The following SPATA6L variants were observed in gnomAD, a reference collection of about 807,000 sequenced individuals.
The protein encoded by SPATA6L is spermatogenesis associated 6-like protein.
SPATA6L carries 68 observed loss-of-function variants against 49.2 expected under a neutral mutation model. The ratio of observed to expected loss-of-function variants is 1.38; its 90% confidence interval spans 1.14 to 1.69. The LOEUF (loss-of-function observed/expected upper bound fraction) is 1.69. Among genes scored for constraint, SPATA6L ranks in the 40% most tolerant of loss-of-function variants. SPATA6L has a pLI of 0.00. For synonymous variants in SPATA6L, 198 were observed against 165.7 expected (o/e 1.19, Z -1.50); for missense variants, 668 against 464.3 (o/e 1.44, Z -4.03).
chr9:4,626,578 G>A (rs1166784725), intron 5 of SPATA6L: 4 of 1,295,990 alleles, frequency 3.1e-6, no homozygotes, highest in Non-Finnish European at 4.1e-6. Context: ...GCTGCTTCCT[G>A]CAGTTACTCT....
chr9:4,604,299 T>C (rs747593289), intron 10 of SPATA6L, 30 bp from the exon 11 acceptor site: 1 of 1,458,876 alleles, frequency 6.9e-7, no homozygotes, highest in Middle Eastern at 1.8e-4. Context: ...AGCAATTATG[T>C]TACCCATAAC....
At chr9:4,595,846 C>T (rs1346246275), downstream of SPATA6L, among the ~76,000 whole-genome samples, 2 of 152,106 alleles carry the variant, frequency 1.3e-5, no homozygotes, top group Middle Eastern at 3.2e-3. Context: ...TAAATCAATA[C>T]CATTATTTTA....
downstream of SPATA6L, among the ~76,000 whole-genome samples, chr9:4,594,691 C>T (rs950800778): frequency 3.3e-5 from 5 of 152,100 alleles, no homozygotes; most frequent in African/African-American, 1.2e-4. Flanking sequence ...AACAGTGATG[C>T]CTCTTTGTGA....
chr9:4,605,901 G>A (rs902820076), intron 9 of SPATA6L, among the ~76,000 whole-genome samples: 11 of 152,336 alleles, frequency 7.2e-5, no homozygotes, highest in East Asian at 5.8e-4. Flanking sequence ...CTGAGGTAGC[G>A]GGTTCATCTC....
intron 2 of SPATA6L, among the ~76,000 whole-genome samples, chr9:4,657,241 T>A (rs957584574): frequency 2.0e-5 from 3 of 152,206 alleles, no homozygotes; most frequent in Non-Finnish European, 2.9e-5. Context: ...ATATAATCAA[T>A]TTTTGTCCTA....
At chr9:4,626,116 G>A (rs79463382) in intron 5 of SPATA6L, 54 of 184,878 alleles carry the variant, frequency 2.9e-4, no homozygotes, top group African/African-American at 1.1e-3. Flanking sequence ...GAAGGTGCTA[G>A]AGAAAGTGCA....
intron 3 of SPATA6L, among the ~76,000 whole-genome samples, chr9:4,643,571 C>T (rs1834540737): frequency 6.6e-6 from 1 of 151,976 alleles, no homozygotes; most frequent in Non-Finnish European, 1.5e-5. Context: ...TGGAAAAATA[C>T]ACAGCTATTG....
intron 3 of SPATA6L, among the ~76,000 whole-genome samples, chr9:4,638,541 T>C (rs544949613): frequency 1.3e-5 from 2 of 152,282 alleles, no homozygotes; most frequent in African/African-American, 4.8e-5. Flanking sequence ...ATCAATTATC[T>C]GCTTCATTTA....
intron 4 of SPATA6L, among the ~76,000 whole-genome samples, chr9:4,629,822 A>C (rs1831168392): frequency 7.4e-6 from 1 of 135,272 alleles, no homozygotes; most frequent in African/African-American, 3.0e-5. Context: ...TAATTCTTAT[A>C]ATCCTATAGG....
In SPATA6L at chr9:4,600,230, T is replaced by C. The variant is rs568480581; in HGVS notation, c.*581A>G. On this transcript the variant is annotated 3_prime_UTR_variant, in exon 12 of 12. Coordinates refer to ENST00000682582, the MANE Select transcript of SPATA6L (RefSeq NM_001353486.2). ...GAGCCAGCCTCCTCTTACAAATTTA[T>C]CACAGACATTCAACATCTAAAACAA... is the stretch of plus-strand genomic sequence containing the variant. Among the ~76,000 whole-genome samples the C allele has an allele frequency of 2.0e-5, 3 of 152,176 alleles. No homozygotes were observed. Among genetic ancestry groups the C allele is most frequent in the Non-Finnish European group, 4.4e-5 (3 of 68,026 alleles).
Position 4,629,769 on chromosome 9 carries a change from G to GTGTGTGTGTATA in SPATA6L, c.352-602_352-601insTATACACACACA, listed in dbSNP as rs1311805859. Among the ~76,000 whole-genome samples the GTGTGTGTGTATA allele has an allele frequency of 2.6e-4, 27 of 101,920 alleles. No homozygotes were observed. The East Asian group carries it at 3.2e-3, about 12-fold the overall frequency. The allele number at this position is 101,920 out of a possible 152,430, so 66.9% of individuals were successfully genotyped here. A position where few individuals can be genotyped will look rare whatever the true frequency, so the allele number is the denominator to read the frequency against. On this transcript the variant is annotated intron_variant, in intron 4 of 11. Coordinates refer to ENST00000682582, the MANE Select transcript of SPATA6L (RefSeq NM_001353486.2). ...GTGTTTTATATATGTGTGTGTGTGT[G>GTGTGTGTGTATA]TATATATATATATATATATATATAT...
At chr9:4,602,139 G>A (rs569113153) in intron 11 of SPATA6L, among the ~76,000 whole-genome samples, 11 of 149,352 alleles carry the variant, frequency 7.4e-5, no homozygotes, top group Non-Finnish European at 1.2e-4. Context: ...AAGAATTGAC[G>A]TTTTTTTTTT....
chr9:4,625,338 C>T lies in SPATA6L; in HGVS notation c.658G>A (p.Val220Ile). 1.2e-6 allele frequency: 2 copies of T among 1,613,152 alleles called. No individual in the cohort carries two copies. Among genetic ancestry groups the T allele is most frequent in the Non-Finnish European group, 1.7e-6 (2 of 1,179,596 alleles). The change falls in exon 6 of 12, where the codon GTT becomes ATT. Residue 220 changes from valine to isoleucine, a missense_variant. By Grantham distance (29) the Val-to-Ile change is conservative (BLOSUM62 3). Coordinates refer to ENST00000682582, the MANE Select transcript of SPATA6L (RefSeq NM_001353486.2). ...KISGGSKPPF[V>I]VRHVDSAKPF... ...AATTTTAGGCTCACGTGTCTAACAA[C>T]AAATGGAGGCTTGCTTCCTCCAGAG...
Position 4,605,452 on chromosome 9 carries a change from A to C in SPATA6L, c.996-12T>G, listed in dbSNP as rs1373565664. 1 of 1,597,624 alleles carries C rather than the reference A, an allele frequency of 6.3e-7. No homozygotes were observed. The highest frequency in any genetic ancestry group is 8.6e-7 in the Non-Finnish European group (1 of 1,165,026). On this transcript the variant is annotated splice_polypyrimidine_tract_variant and intron_variant, in intron 9 of 11. Coordinates refer to ENST00000682582, the MANE Select transcript of SPATA6L (RefSeq NM_001353486.2). ...AACCAGGATGGAACCTGCTCAACAG[A>C]TGGAACAGGGTGGAATATTAAGCAG...
At chr9:4,622,287 T>G (rs994284357) in intron 7 of SPATA6L, 121 bp downstream of exon 7, 4 of 641,738 alleles carry the variant, frequency 6.2e-6, no homozygotes, top group African/African-American at 5.5e-5. Context: ...AGCTGGAGAG[T>G]ACTTGAGAAT....
chr9:4,648,080 C>A (rs1418794768), intron 3 of SPATA6L, among the ~76,000 whole-genome samples: 1 of 152,174 alleles, frequency 6.6e-6, no homozygotes, highest in East Asian at 1.9e-4. Context: ...GGTGATTTGC[C>A]CACCTCAGCC....
intron 1 of SPATA6L, chr9:4,663,098 G>C: frequency 6.2e-7 from 1 of 1,614,130 alleles, no homozygotes; most frequent in East Asian, 2.2e-5. Context: ...TGGTGGTTCT[G>C]TGGGCCTTCG....
chr9:4,591,265 C>A lies in SPATA6L; in HGVS notation c.*255-2304G>T, dbSNP rs1436109333. ...TGACTTTGATCCTCCTCCAAGCATT[C>A]AAACATAACTTTTATTTAAAGAGCC... On this transcript the variant is annotated intron_variant and NMD_transcript_variant, in intron 13 of 13. Coordinates refer to the SPATA6L transcript ENST00000461761. Among the ~76,000 whole-genome samples, 3 of 152,158 alleles carry A rather than the reference C, an allele frequency of 2.0e-5. No homozygotes were observed. In the East Asian group the frequency reaches 5.8e-4, roughly 29 times the overall value.
chr9:4,646,277 G>C (rs934107515), intron 3 of SPATA6L: 3 of 366,114 alleles, frequency 8.2e-6, no homozygotes, highest in Non-Finnish European at 1.4e-5. Context: ...TATGCTCCCT[G>C]CCATGAAACA....
Sources: gnomAD v4.1 joint callset for allele counts (sites outside exome capture counted in the v4.1 genomes callset) on GRCh38, gnomAD v4.1.1 for gene constraint, MANE v1.5 for transcripts, NCBI Gene and HGNC (gene_info 2026-07-23, HGNC 2026-07-21) for gene names.